The following SPECC1 variants were observed in gnomAD, a reference collection of about 807,000 sequenced individuals.
SPECC1 encodes cytospin-B.
In SPECC1, 62 loss-of-function variants were observed where a neutral mutation model predicts 104.1. That is an observed-to-expected ratio of 0.60 (90% confidence interval 0.49 to 0.74). The LOEUF (loss-of-function observed/expected upper bound fraction) is 0.74, where lower values mean the gene tolerates loss of function less well. Among genes scored for constraint, SPECC1 ranks in the 30% least tolerant of loss-of-function variants. The pLI is 0.00. For synonymous variants in SPECC1, 513 were observed against 501.6 expected, an observed-to-expected ratio of 1.02 and a Z score of -0.30; for missense variants, 1,306 against 1,310.5, an observed-to-expected ratio of 1.00 and a Z score of 0.05.
At chr17:20,109,763 T>C (rs1005576881) in intron 2 of SPECC1, among the ~76,000 whole-genome samples, 7 of 152,224 alleles carry the variant, frequency 4.6e-5, no homozygotes, top group African/African-American at 1.7e-4. Context: ...GAATTTCTTT[T>C]GCATTGCCCT....
At chr17:20,294,881 C>G (rs1343014307) in intron 12 of SPECC1, among the ~76,000 whole-genome samples, 1 of 152,098 alleles carries the variant, frequency 6.6e-6, no homozygotes, top group East Asian at 1.9e-4. Context: ...AAGGCTTTTC[C>G]TCAATACTAT....
intron 3 of SPECC1, among the ~76,000 whole-genome samples, chr17:20,198,817 A>G (rs1286691713): frequency 6.6e-6 from 1 of 152,200 alleles, no homozygotes; most frequent in Non-Finnish European, 1.5e-5. Context: ...TAATAGAGCC[A>G]CTGCTTTCTC....
At position 20,071,015 on chromosome 17, in the gene SPECC1, G is replaced by A. The variant is rs564315727; in HGVS notation, c.-21-25616G>A. On this transcript the variant is annotated intron_variant, in intron 1 of 14. Transcript: ENST00000395527. ...ACTACGTTGCCCAGGTTGACGTGTG[G>A]TCTTTCTTCTTTTTCAGTTTTTTGA... is the stretch of plus-strand genomic sequence containing the variant. Among the ~76,000 whole-genome samples the A allele has an allele frequency of 1.7e-4, 26 of 152,060 alleles. No individual in the cohort carries two copies. In the South Asian group the frequency reaches 4.8e-3, roughly 28 times the overall value.
At chr17:20,247,167 G>A in intron 8 of SPECC1, 52 bp from the exon 9 acceptor site, 1 of 1,407,598 alleles carries the variant, frequency 7.1e-7, no homozygotes, top group Non-Finnish European at 9.9e-7. Flanking sequence ...ACAAGTATAT[G>A]CTATTTTGAA....
At chr17:20,094,789 A>G (rs966588701) in intron 1 of SPECC1, among the ~76,000 whole-genome samples, 6 of 152,040 alleles carry the variant, frequency 3.9e-5, no homozygotes, top group Admixed American at 2.6e-4. Context: ...TTGTAGAGAC[A>G]GAGTCTTGCT....
At chr17:20,251,866 G>T (rs1054376037) in intron 9 of SPECC1, among the ~76,000 whole-genome samples, 2 of 151,772 alleles carry the variant, frequency 1.3e-5, no homozygotes, top group South Asian at 2.1e-4. Flanking sequence ...TATAAATAAA[G>T]AAAATAAGGC....
At chr17:20,291,567 G>A (rs2041164819) in intron 12 of SPECC1, among the ~76,000 whole-genome samples, 1 of 151,812 alleles carries the variant, frequency 6.6e-6, no homozygotes, top group African/African-American at 2.4e-5. Flanking sequence ...TTTTTTAAAA[G>A]ACGGTTTTGC....
intron 13 of SPECC1, among the ~76,000 whole-genome samples, chr17:20,302,878 T>TAA (rs35060925): frequency 0.069 from 4,240 of 61,656 alleles, 155 homozygotes; most frequent in East Asian, 0.12. Context: ...TGAGCCCATC[T>TAA]AAAAAAAAAA....
intron 1 of SPECC1, among the ~76,000 whole-genome samples, chr17:20,088,342 G>A (rs1370143484): frequency 6.6e-6 from 1 of 152,166 alleles, no homozygotes; most frequent in Non-Finnish European, 1.5e-5. Context: ...AAAGACTCCT[G>A]TGGCTGCTGA....
chr17:20,183,193 C>A (rs1198385503), intron 3 of SPECC1, among the ~76,000 whole-genome samples: 1 of 152,146 alleles, frequency 6.6e-6, no homozygotes, highest in Non-Finnish European at 1.5e-5. Context: ...CACTTTTCGA[C>A]CTTCAAAAAT....
chr17:20,060,933 A>G (rs2046162711), intron 1 of SPECC1, among the ~76,000 whole-genome samples: 1 of 152,260 alleles, frequency 6.6e-6, no homozygotes. Context: ...TGTAGGACTA[A>G]GATTAACTAC....
chr17:20,215,969 T>G (rs183507834), intron 4 of SPECC1, among the ~76,000 whole-genome samples: 3 of 152,348 alleles, frequency 2.0e-5, no homozygotes, highest in Non-Finnish European at 4.4e-5. Flanking sequence ...TGTCAAATTA[T>G]CTGGTATCAA....
At chr17:20,024,930 C>T (rs1191195492) in intron 1 of SPECC1, among the ~76,000 whole-genome samples, 1 of 152,188 alleles carries the variant, frequency 6.6e-6, no homozygotes, top group African/African-American at 2.4e-5. Flanking sequence ...TGAACTGCTT[C>T]TCTTGAATTC....
At chr17:20,134,279 G>A (rs2049810493) in intron 3 of SPECC1, among the ~76,000 whole-genome samples, 1 of 151,588 alleles carries the variant, frequency 6.6e-6, no homozygotes, top group Non-Finnish European at 1.5e-5. Flanking sequence ...ATGGCTGCCA[G>A]TATCCTCAAT....
chr17:20,048,320 A>G (rs894459342), intron 1 of SPECC1, among the ~76,000 whole-genome samples: 3 of 151,790 alleles, frequency 2.0e-5, no homozygotes, highest in African/African-American at 4.8e-5. Context: ...TTTTTAGTAG[A>G]GACTGGGTTT....
intron 4 of SPECC1, among the ~76,000 whole-genome samples, chr17:20,213,838 T>G (rs2703814): frequency 2.0e-5 from 3 of 151,766 alleles, no homozygotes; most frequent in Non-Finnish European, 4.4e-5. Context: ...AGCCAAGCAG[T>G]TAGGATTTTA....
At chr17:20,173,472 TCA>T (rs1425695451) in intron 3 of SPECC1, among the ~76,000 whole-genome samples, 5 of 152,314 alleles carry the variant, frequency 3.3e-5, no homozygotes, top group Non-Finnish European at 2.9e-5. Flanking sequence ...AAACCTGGGC[TCA>T]CAAATGATTA....
intron 3 of SPECC1, chr17:20,155,633 T>G (rs1238792198): frequency 6.5e-6 from 1 of 153,190 alleles, no homozygotes; most frequent in Non-Finnish European, 1.5e-5. Flanking sequence ...AAAGAAATGC[T>G]TATTAAGCGC....
At chr17:20,148,582 T>C (rs1469670534) in intron 3 of SPECC1, among the ~76,000 whole-genome samples, 1 of 151,222 alleles carries the variant, frequency 6.6e-6, no homozygotes, top group Non-Finnish European at 1.5e-5. Flanking sequence ...AGAACTTATA[T>C]AAAGGACATC....
Sources: allele counts gnomAD v4.1 joint callset (sites outside exome capture counted in the v4.1 genomes callset), GRCh38; gene constraint gnomAD v4.1.1; transcripts MANE v1.5; gene names NCBI Gene and HGNC (gene_info 2026-07-23, HGNC 2026-07-21).